Variants in PITRM1 observed in about 807,000 individuals in gnomAD.
PITRM1 encodes the protein pitrilysin metallopeptidase 1, also known as presequence protease, mitochondrial.
Under a neutral mutation model 129.9 loss-of-function variants are expected in PITRM1, and 100 were observed. The observed-to-expected ratio is 0.77, with a 90% CI of 0.65 to 0.91. The LOEUF (loss-of-function observed/expected upper bound fraction) is 0.91, where lower values mean the gene tolerates loss of function less well. Ranked by LOEUF, PITRM1 falls within the 40% of genes least tolerant of loss-of-function variation. The pLI, the probability that PITRM1 is intolerant of heterozygous loss-of-function variation, is 0.00. For missense variants in PITRM1, 1,471 were observed against 1,318.3 expected (o/e 1.12, Z -1.79); for synonymous variants, 591 against 508.8 (o/e 1.16, Z -2.17).
At position 3,139,064 on chromosome 10, in the gene PITRM1, G is replaced by T. The variant is rs1316755676; in HGVS notation, c.2772-15C>A. ...TATTTGGGTCCCTAGGAAACCCAGA[G>T]AAATAAACGGGCAAGCATTTTACCA... On this transcript the variant is annotated splice_polypyrimidine_tract_variant and intron_variant, in intron 24 of 26. Transcript: ENST00000224949. 2 of 1,611,450 alleles carry T rather than the reference G, an allele frequency of 1.2e-6. No individual in the cohort carries two copies. The highest frequency in any genetic ancestry group is 1.7e-6 in the Non-Finnish European group (2 of 1,178,772).
chr10:3,163,216 A>G (rs1042689291), intron 7 of PITRM1: 5 of 152,338 alleles, frequency 3.3e-5, no homozygotes, highest in Middle Eastern at 3.4e-3. Context: ...TCATATGTAA[A>G]TACAATTAGT....
At chr10:3,139,115 G>T in intron 24 of PITRM1, 66 bp from the exon 25 acceptor site, 1 of 1,424,196 alleles carries the variant, frequency 7.0e-7, no homozygotes, top group Non-Finnish European at 9.8e-7. Context: ...ACAAACCTCT[G>T]TCGACTTAAC....
chr10:3,161,630 T>C (rs1842445224), intron 7 of PITRM1, among the ~76,000 whole-genome samples: 1 of 150,932 alleles, frequency 6.6e-6, no homozygotes, highest in Admixed American at 6.6e-5. Flanking sequence ...AAACAGACAG[T>C]TGAACCTCTG....
intron 1 of PITRM1, among the ~76,000 whole-genome samples, chr10:3,170,674 C>G (rs1412552240): frequency 2.0e-5 from 3 of 152,188 alleles, no homozygotes; most frequent in Admixed American, 6.5e-5. Context: ...AGTGGAATAA[C>G]TTTGGAAAAG....
Position 3,149,723 on chromosome 10 carries a change from T to A in PITRM1, c.1769A>T (p.Gln590Leu). 6.2e-7 allele frequency: 1 copy of A among 1,612,480 alleles called. No homozygotes were observed. The highest frequency in any genetic ancestry group is 8.5e-7 in the Non-Finnish European group (1 of 1,179,530). The change falls in exon 16 of 27, where the codon CAG becomes CTG. Residue 590 changes from glutamine (Q) to leucine (L), a missense_variant. Transcript: ENST00000224949. ...AGDIPVQYCA[Q>L]PTNGMVYFRA... is the part of the protein sequence containing the mutation. ...GAAATACACCATGCCATTGGTGGGC[T>A]GGGCGCAGTACTGAACAGGGATATC... is the stretch of plus-strand genomic sequence containing the variant.
intron 1 of PITRM1, among the ~76,000 whole-genome samples, chr10:3,171,195 A>G (rs1036317399): frequency 4.7e-5 from 7 of 148,974 alleles, no homozygotes; most frequent in Admixed American, 1.3e-4. Flanking sequence ...CCTTACCAAT[A>G]TAAGGGCCTA....
chr10:3,160,712 C>G (rs573863136), intron 7 of PITRM1, among the ~76,000 whole-genome samples: 1 of 152,032 alleles, frequency 6.6e-6, no homozygotes, highest in Non-Finnish European at 1.5e-5. Flanking sequence ...GCCTCAGCCT[C>G]CTCAGTAGCC....
At chr10:3,155,756 G>C (rs767126756) in intron 13 of PITRM1, 27 bp from the exon 14 acceptor site, 3 of 1,612,112 alleles carry the variant, frequency 1.9e-6, no homozygotes, top group South Asian at 1.1e-5. Context: ...AACAACAAAA[G>C]CCAAGTGAAA....
Position 3,149,645 on chromosome 10 carries a change from G to C in PITRM1, c.1847C>G (p.Pro616Arg). Residue 616 changes from proline (P) to arginine (R), a missense_variant, in exon 16 of 27, where the codon CCC (proline) becomes CGC (arginine). Physicochemically the swap from Pro to Arg is moderately radical, Grantham distance 103 (BLOSUM62 -2). Coordinates refer to ENST00000224949, the MANE Select transcript of PITRM1 (RefSeq NM_014889.4). ...TLPEELRPYV[P>R]LFCSVLTKLG... ...CTTGGTGAGGACGCTGCAGAAGAGG[G>C]GCACATAGGGCCTCAGCTCCTCGGG... is the stretch of plus-strand genomic sequence containing the variant. The C allele has an allele frequency of 6.3e-7, 1 of 1,584,190 alleles. No individual in the cohort carries two copies. Among genetic ancestry groups the C allele is most frequent in the Non-Finnish European group, 8.6e-7 (1 of 1,168,562 alleles).
chr10:3,165,179 A>C (rs878865921), intron 6 of PITRM1, 59 bp downstream of exon 6: 1 of 1,154,782 alleles, frequency 8.7e-7, no homozygotes, highest in Admixed American at 2.7e-5. Context: ...TGTCTATATC[A>C]TGATATTGTA....
chr10:3,138,910 C>T lies in PITRM1; in HGVS notation c.2911G>A (p.Asp971Asn), dbSNP rs780501465. ...STVDAPVAPS[D>N]KGMDHFLYGL... The stretch of plus-strand genomic sequence containing the variant: ...ACTGTTATACTCAAAATACCTTTGT[C>T]TGAAGGAGCGACAGGAGCATCTACG... The change falls in exon 25 of 27, where the codon GAC becomes AAC. Residue 971 changes from aspartate to asparagine, a missense_variant. Coordinates refer to ENST00000224949, the MANE Select transcript of PITRM1 (RefSeq NM_014889.4). 1 of 1,613,940 alleles carries T rather than the reference C, an allele frequency of 6.2e-7. No homozygotes were observed. Among genetic ancestry groups the T allele is most frequent in the South Asian group, 1.1e-5 (1 of 91,082 alleles).
intron 2 of PITRM1, 32 bp downstream of exon 2, chr10:3,170,072 A>T (rs371981524): frequency 4.9e-5 from 73 of 1,496,226 alleles, no homozygotes; most frequent in Admixed American, 1.3e-4. Context: ...ATGTATGTGG[A>T]TTTATAAGGA....
At chr10:3,138,759 G>T (rs2279216) in intron 25 of PITRM1, 145 bp downstream of exon 25, 11 of 831,668 alleles carry the variant, frequency 1.3e-5, no homozygotes, top group Non-Finnish European at 2.4e-5. Context: ...GCGTGTTTAG[G>T]GTGTCAGACG....
chr10:3,140,571 C>T, intron 24 of PITRM1, 116 bp downstream of exon 24: 1 of 969,800 alleles, frequency 1.0e-6, no homozygotes, highest in Non-Finnish European at 1.5e-6. Context: ...AAAAGAAGCA[C>T]ACAGAACAAC....
chr10:3,146,934 T>A, intron 20 of PITRM1: 1 of 371,628 alleles, frequency 2.7e-6, no homozygotes, highest in Non-Finnish European at 4.9e-6. Flanking sequence ...CTATTTGCAC[T>A]TCTAGCACAA....
intron 2 of PITRM1, among the ~76,000 whole-genome samples, chr10:3,167,296 CGA>C (rs1842955870): frequency 1.3e-5 from 2 of 152,130 alleles, no homozygotes; most frequent in Non-Finnish European, 2.9e-5. Context: ...AGCGAGCGAG[CGA>C]GCGAGCGCGA....
At chr10:3,141,693 G>T (rs1354759599) in intron 23 of PITRM1, 2 of 470,136 alleles carry the variant, frequency 4.3e-6, no homozygotes, top group Non-Finnish European at 4.4e-6. Context: ...AGACGCCCGT[G>T]GTGAGATCAG....
intron 22 of PITRM1, chr10:3,143,991 G>A: frequency 1.8e-6 from 1 of 546,498 alleles, no homozygotes; most frequent in Non-Finnish European, 3.3e-6. Flanking sequence ...AGAAGGGTGA[G>A]TTGCCCGGGA....
At chr10:3,149,569 G>T in intron 16 of PITRM1, 52 bp downstream of exon 16, 1 of 1,490,586 alleles carries the variant, frequency 6.7e-7, no homozygotes, top group Non-Finnish European at 8.9e-7. Context: ...ATACAGATAT[G>T]CACACAAAGC....
Sources: gnomAD v4.1 joint callset for allele counts (sites outside exome capture counted in the v4.1 genomes callset) on GRCh38, gnomAD v4.1.1 for gene constraint, MANE v1.5 for transcripts, NCBI Gene and HGNC (gene_info 2026-07-23, HGNC 2026-07-21) for gene names.